The following NDRG2 variants were observed in gnomAD, a reference collection of about 807,000 sequenced individuals.
NDRG2 encodes NDRG family member 2, also known as protein NDRG2.
A neutral mutation model predicts 58.2 loss-of-function variants in NDRG2; 34 were observed. That is an observed-to-expected ratio of 0.58 (90% CI 0.44 to 0.78). The LOEUF (loss-of-function observed/expected upper bound fraction) is 0.78. Ranked by LOEUF, NDRG2 falls within the 30% of genes least tolerant of loss-of-function variation. The pLI, the probability that NDRG2 is intolerant of heterozygous loss-of-function variation, is 0.00. For synonymous variants in NDRG2, 187 were observed against 175.9 expected, an observed-to-expected ratio of 1.06 and a Z score of -0.50; for missense variants, 434 against 471.2, an observed-to-expected ratio of 0.92 and a Z score of 0.73.
intron 1 of NDRG2, among the ~76,000 whole-genome samples, chr14:21,059,181 G>C (rs750608393): frequency 6.6e-6 from 1 of 152,166 alleles, no homozygotes; most frequent in Non-Finnish European, 1.5e-5. Flanking sequence ...TCATCGACGT[G>C]ACCCAGAGCA....
intron 5 of NDRG2, 52 bp from the exon 6 acceptor site, chr14:21,021,931 C>G (rs77868865): frequency 6.2e-7 from 1 of 1,611,460 alleles, no homozygotes; most frequent in Non-Finnish European, 8.5e-7. Context: ...TCACACCCCC[C>G]ACCTCAGGAT....
At chr14:21,057,979 C>T in intron 1 of NDRG2, 1 of 1,614,030 alleles carries the variant, frequency 6.2e-7, no homozygotes, top group Non-Finnish European at 8.5e-7. Context: ...GAGCCAAGCC[C>T]AAGGACATGA....
chr14:21,034,592 G>T (rs1277000631), intron 1 of NDRG2: 2 of 325,608 alleles, frequency 6.1e-6, no homozygotes, highest in East Asian at 1.0e-4. Context: ...CTTCCCAAGA[G>T]TCCTTGGGCC....
At chr14:21,063,806 A>C (rs574562728) in intron 1 of NDRG2, among the ~76,000 whole-genome samples, 1 of 152,348 alleles carries the variant, frequency 6.6e-6, no homozygotes, top group East Asian at 1.9e-4. Flanking sequence ...CAAATCTGGA[A>C]AGCTTATAAA....
intron 1 of NDRG2, among the ~76,000 whole-genome samples, chr14:21,063,379 A>T (rs185553198): frequency 6.6e-6 from 1 of 152,242 alleles, no homozygotes; most frequent in African/African-American, 2.4e-5. Flanking sequence ...ATTGGCACAA[A>T]TAAGATAATG....
In NDRG2 at chr14:21,068,289, G is replaced by A. The variant is rs1350232309; in HGVS notation, c.24+2539C>T. Among the ~76,000 whole-genome samples the A allele has an allele frequency of 1.6e-4, 2 of 12,146 alleles. 1 individual carries two copies. The highest frequency in any genetic ancestry group is 1.0e-3 in the Non-Finnish European group (2 of 1,982). 8.0% of individuals were successfully genotyped at this position (12,146 alleles called of 152,430 possible). A position where few individuals can be genotyped will look rare whatever the true frequency, so the allele number is the denominator to read the frequency against. ...GCTGGGATTACAGGCGTGAGCCACC[G>A]CGCCCGGCCGGCTCCCCTTTTTCTC... On this transcript the variant is annotated intron_variant, in intron 1 of 14. Transcript: ENST00000403829.
intron 1 of NDRG2, among the ~76,000 whole-genome samples, chr14:21,051,316 A>C (rs1260954917): frequency 1.3e-5 from 2 of 152,224 alleles, no homozygotes; most frequent in Non-Finnish European, 2.9e-5. Flanking sequence ...CACTTGGAAC[A>C]GTGACTGGAA....
At chr14:21,036,236 G>T (rs1459438928) in intron 1 of NDRG2, 5 of 456,168 alleles carry the variant, frequency 1.1e-5, no homozygotes, top group Non-Finnish European at 2.2e-5. Flanking sequence ...TCCAACTCCA[G>T]TAAGACTCAA....
At chr14:21,021,466 AG>A in intron 6 of NDRG2, 1 of 324,438 alleles carries the variant, frequency 3.1e-6, no homozygotes, top group Non-Finnish European at 5.9e-6. Context: ...GGCATGAAGG[AG>A]AGGGGAGTGG....
intron 1 of NDRG2, among the ~76,000 whole-genome samples, chr14:21,058,733 G>A (rs1566507351): frequency 6.6e-6 from 1 of 152,222 alleles, no homozygotes; most frequent in Non-Finnish European, 1.5e-5. Context: ...GGACAGTCCA[G>A]GGAGATCCCA....
In NDRG2 at chr14:21,019,169, G is replaced by T; in HGVS notation, c.717-9C>A. On this transcript the variant is annotated splice_polypyrimidine_tract_variant and intron_variant, in intron 10 of 15. Transcript: ENST00000556147. The stretch of plus-strand genomic sequence containing the variant: ...AGTTCAGGTCTCGGCGGCTAGAAAG[G>T]GGTTAAAAGAGTAGGAATTTTAGGT... 1 of 1,609,054 alleles carries T rather than the reference G, an allele frequency of 6.2e-7. No homozygotes were observed.
At chr14:21,025,505 C>G (rs1284105340), upstream of NDRG2, 4 of 985,332 alleles carry the variant, frequency 4.1e-6, no homozygotes, top group Non-Finnish European at 4.8e-6. The surrounding 1 kb of genome is among the most constrained non-coding windows in gnomAD (Gnocchi z 5.1). Context: ...TCGACTCCCC[C>G]CGCCCGAACA....
intron 1 of NDRG2, chr14:21,058,073 A>C (rs576951437): frequency 2.5e-6 from 4 of 1,614,088 alleles, no homozygotes; most frequent in East Asian, 4.5e-5. Flanking sequence ...CAATAAGTAC[A>C]CAGAACGGTG....
intron 1 of NDRG2, chr14:21,034,239 G>T (rs1354169763): frequency 1.2e-5 from 20 of 1,613,914 alleles, no homozygotes; most frequent in Non-Finnish European, 1.6e-5. Context: ...GACCAGAGTT[G>T]GCCCCAGAAC....
Position 21,017,665 on chromosome 14 carries a change from C to T in NDRG2, c.1047G>A (p.Leu349=), listed in dbSNP as rs1196119618. 2 of 1,612,762 alleles carry T rather than the reference C, an allele frequency of 1.2e-6. No individual in the cohort carries two copies. The highest frequency in any genetic ancestry group is 1.7e-6 in the Non-Finnish European group (2 of 1,179,432). The change falls in exon 16 of 16, where the codon CTG becomes CTA. Residue 349 remains leucine, a synonymous_variant. Transcript: ENST00000556147. The stretch of plus-strand genomic sequence containing the variant: ...GAGTTCCAGACTCGCTGCTCTGGGA[C>T]AGGGTGCGAGAGCGGGACCGGTTGC... The part of the protein sequence containing the change: ...VDGNRSRSRT[L]SQSSESGTLS...
chr14:21,052,208 A>G (rs1421912238), intron 1 of NDRG2, among the ~76,000 whole-genome samples: 1 of 152,232 alleles, frequency 6.6e-6, no homozygotes, highest in Admixed American at 6.5e-5. Context: ...TGCTCCTGTG[A>G]GCTAGCCATG....
intron 1 of NDRG2, among the ~76,000 whole-genome samples, chr14:21,069,030 G>T (rs971861082): frequency 1.1e-4 from 17 of 152,362 alleles, no homozygotes; most frequent in African/African-American, 3.8e-4. Context: ...CCCTCCAGCT[G>T]CAGGGGCACA....
chr14:21,022,966 A>C, intron 2 of NDRG2, 61 bp from the exon 3 acceptor site: 1 of 1,581,190 alleles, frequency 6.3e-7, no homozygotes, highest in Non-Finnish European at 8.7e-7. Flanking sequence ...CCAGATGGAG[A>C]GACAAACAGA....
intron 1 of NDRG2, among the ~76,000 whole-genome samples, chr14:21,069,515 A>C (rs1215376563): frequency 6.6e-6 from 1 of 152,182 alleles, no homozygotes; most frequent in Non-Finnish European, 1.5e-5. Flanking sequence ...AACTCAGAAA[A>C]TGTCCGGCGA....
Sources: gnomAD v4.1 joint callset for allele counts (sites outside exome capture counted in the v4.1 genomes callset) on GRCh38, gnomAD v4.1.1 for gene constraint, Gnocchi (gnomAD v3.1) non-coding constraint, MANE v1.5 for transcripts, NCBI Gene and HGNC (gene_info 2026-07-23, HGNC 2026-07-21) for gene names.